The following DTNA variants were observed in gnomAD, a reference collection of about 807,000 sequenced individuals.
DTNA encodes the protein dystrophin-related protein 3.
In DTNA, 43 loss-of-function variants were observed where a neutral mutation model predicts 100.7. That is an observed-to-expected ratio of 0.43 (90% CI 0.33 to 0.55). DTNA has a LOEUF of 0.55. Among genes scored for constraint, DTNA ranks in the 20% least tolerant of loss-of-function variants. DTNA has a pLI of 0.04. For synonymous variants in DTNA, 349 were observed against 347.9 expected, an observed-to-expected ratio of 1.00 and a Z score of -0.04; for missense variants, 798 against 953.9, an observed-to-expected ratio of 0.84 and a Z score of 2.15.
At chr18:34,701,576 A>C (rs926393366) in intron 1 of DTNA, among the ~76,000 whole-genome samples, 1 of 151,958 alleles carries the variant, frequency 6.6e-6, no homozygotes, top group Non-Finnish European at 1.5e-5. Flanking sequence ...TCCAAGCCCT[A>C]TTTTCAGAGC....
intron 1 of DTNA, among the ~76,000 whole-genome samples, chr18:34,592,078 T>A (rs980655055): frequency 5.3e-5 from 8 of 152,282 alleles, no homozygotes; most frequent in Admixed American, 4.6e-4. Context: ...AAGGAGCAGC[T>A]GCAGCCACAC....
intron 1 of DTNA, among the ~76,000 whole-genome samples, chr18:34,727,960 A>G (rs914014984): frequency 7.0e-4 from 107 of 152,126 alleles, no homozygotes; most frequent in African/African-American, 2.3e-3. Flanking sequence ...GGAGGGGGGG[A>G]AAAGGCAAAA....
At chr18:34,533,548 C>T (rs1181248922) in intron 1 of DTNA, among the ~76,000 whole-genome samples, 1 of 152,006 alleles carries the variant, frequency 6.6e-6, no homozygotes, top group African/African-American at 2.4e-5. Flanking sequence ...GCAAAAACGA[C>T]ATTTTAGTAT....
intron 13 of DTNA, among the ~76,000 whole-genome samples, chr18:34,846,714 G>A (rs2096385851): frequency 6.6e-6 from 1 of 151,834 alleles, no homozygotes; most frequent in African/African-American, 2.4e-5. Flanking sequence ...CCAGACAAGA[G>A]CTATTTGGAA....
chr18:34,812,281 A>C (rs59586657), intron 6 of DTNA, among the ~76,000 whole-genome samples, 168 bp downstream of exon 6: 2 of 152,114 alleles, frequency 1.3e-5, no homozygotes, highest in African/African-American at 4.8e-5. Context: ...AACTAAACCC[A>C]GCACATCTGG....
At chr18:34,784,871 T>C (rs943673914) in intron 3 of DTNA, among the ~76,000 whole-genome samples, 1 of 152,160 alleles carries the variant, frequency 6.6e-6, no homozygotes, top group Non-Finnish European at 1.5e-5. Flanking sequence ...TGGCAATCTT[T>C]CTCCATATGT....
chr18:34,866,076 G>T, intron 17 of DTNA: 1 of 1,611,622 alleles, frequency 6.2e-7, no homozygotes, highest in Non-Finnish European at 8.5e-7. Flanking sequence ...GGAACCCTGG[G>T]TAATCTAACT....
chr18:34,756,055 T>TAAGTTC lies in DTNA; in HGVS notation c.67+12_67+13insAAGTTC. The TAAGTTC allele has an allele frequency of 6.2e-7, 1 of 1,611,872 alleles. No individual in the cohort carries two copies. The highest frequency in any genetic ancestry group is 8.5e-7 in the Non-Finnish European group (1 of 1,178,734). ...GTTTGCAGAGATGAGTAAGTATGGA[T>TAAGTTC]CTTTTAAGGAACACCCTATAGTTTC... On this transcript the variant is annotated intron_variant, in intron 2 of 22. Coordinates refer to ENST00000444659, the MANE Select transcript of DTNA (RefSeq NM_001386795.1).
At chr18:34,834,175 A>G (rs1361753138) in intron 11 of DTNA, among the ~76,000 whole-genome samples, 1 of 152,142 alleles carries the variant, frequency 6.6e-6, no homozygotes, top group Non-Finnish European at 1.5e-5. Context: ...CTGTAAAGGA[A>G]TGCCAGAGGC....
intron 1 of DTNA, among the ~76,000 whole-genome samples, chr18:34,632,009 T>C (rs1215140694): frequency 6.6e-6 from 1 of 152,192 alleles, no homozygotes; most frequent in African/African-American, 2.4e-5. Context: ...TAAAAAATTA[T>C]TATCTTGGTG....
chr18:34,646,355 T>G (rs558683917), intron 1 of DTNA, among the ~76,000 whole-genome samples: 1 of 152,322 alleles, frequency 6.6e-6, no homozygotes, highest in African/African-American at 2.4e-5. Flanking sequence ...ACGATACAGC[T>G]CATACAAACA....
chr18:34,608,896 A>T (rs1023399007), intron 1 of DTNA, among the ~76,000 whole-genome samples: 1 of 152,192 alleles, frequency 6.6e-6, no homozygotes, highest in Admixed American at 6.5e-5. Context: ...GCTATTGTAT[A>T]TTGGATCTCA....
intron 1 of DTNA, among the ~76,000 whole-genome samples, chr18:34,510,170 C>T (rs575579602): frequency 1.3e-5 from 2 of 150,198 alleles, no homozygotes; most frequent in African/African-American, 2.4e-5. Flanking sequence ...CAGATATCAG[C>T]GTTTCACTTC....
At chr18:34,713,914 T>A (rs1391604966) in intron 1 of DTNA, among the ~76,000 whole-genome samples, 4 of 152,108 alleles carry the variant, frequency 2.6e-5, no homozygotes, top group Non-Finnish European at 5.9e-5. Flanking sequence ...ATGATTTGGC[T>A]CTCTGTCTGT....
intron 1 of DTNA, among the ~76,000 whole-genome samples, chr18:34,664,612 G>T (rs2075649619): frequency 6.6e-6 from 1 of 152,038 alleles, no homozygotes; most frequent in African/African-American, 2.4e-5. Context: ...GTGAGAATAG[G>T]GTTTGAGGAA....
intron 3 of DTNA, among the ~76,000 whole-genome samples, chr18:34,792,091 TTG>T (rs1048692403): frequency 1.2e-4 from 3 of 24,312 alleles, no homozygotes; most frequent in African/African-American, 2.8e-4. Flanking sequence ...ATGTAACCTG[TTG>T]TTTTTTTTTT....
At chr18:34,761,344 T>C (rs1249660525) in intron 2 of DTNA, among the ~76,000 whole-genome samples, 3 of 152,144 alleles carry the variant, frequency 2.0e-5, no homozygotes, top group East Asian at 3.8e-4. Flanking sequence ...TATCAAAATA[T>C]AAAAGGCAAA....
intron 1 of DTNA, among the ~76,000 whole-genome samples, chr18:34,680,768 T>G (rs1232146750): frequency 6.6e-6 from 1 of 152,196 alleles, no homozygotes; most frequent in Non-Finnish European, 1.5e-5. Flanking sequence ...TCAATTTGCC[T>G]AGTGTAACAG....
At chr18:34,851,125 A>G (rs941517192) in intron 14 of DTNA, among the ~76,000 whole-genome samples, 1 of 152,188 alleles carries the variant, frequency 6.6e-6, no homozygotes, top group Non-Finnish European at 1.5e-5. Context: ...TTTTTGTGAG[A>G]TGGAATCTCG....
Sources: gnomAD v4.1 joint callset for allele counts (sites outside exome capture counted in the v4.1 genomes callset) on GRCh38, gnomAD v4.1.1 for gene constraint, MANE v1.5 for transcripts, NCBI Gene and HGNC (gene_info 2026-07-23, HGNC 2026-07-21) for gene names.